TRPM3: variants seen among roughly 807,000 people sequenced by gnomAD.
TRPM3 encodes the protein long transient receptor potential channel 3.
TRPM3 carries 77 observed loss-of-function variants against 181.2 expected under a neutral mutation model. The observed-to-expected ratio is 0.42, with a 90% confidence interval of 0.35 to 0.51. TRPM3 has a LOEUF of 0.51. TRPM3 is among the 20% of genes least tolerant of loss of function. TRPM3 has a pLI of 0.01. For missense variants in TRPM3, 1,759 were observed against 2,196.7 expected, an observed-to-expected ratio of 0.80 and a Z score of 3.98; for synonymous variants, 745 against 796.4, an observed-to-expected ratio of 0.94 and a Z score of 1.09.
chr9:70,739,973 C>T (rs2073678465), intron 8 of TRPM3, among the ~76,000 whole-genome samples: 2 of 152,154 alleles, frequency 1.3e-5, no homozygotes, highest in South Asian at 4.2e-4. Flanking sequence ...CTAGCCAGAA[C>T]AATCAGACAA....
chr9:70,800,088 C>CTATT (rs2088479995), intron 6 of TRPM3, among the ~76,000 whole-genome samples: 1 of 151,940 alleles, frequency 6.6e-6, no homozygotes, highest in Non-Finnish European at 1.5e-5. Context: ...TGAACATGAA[C>CTATT]TATTTTTTTC....
chr9:70,649,074 A>G (rs1255239193), intron 9 of TRPM3, among the ~76,000 whole-genome samples: 1 of 152,206 alleles, frequency 6.6e-6, no homozygotes, highest in Non-Finnish European at 1.5e-5. Flanking sequence ...AATATGAGAA[A>G]ATATTTGCAA....
chr9:70,624,180 T>C (rs1400881355), intron 14 of TRPM3, among the ~76,000 whole-genome samples: 2 of 152,234 alleles, frequency 1.3e-5, no homozygotes, highest in Non-Finnish European at 2.9e-5. Context: ...TGTCAATATT[T>C]GGAAGAGCTG....
chr9:71,134,203 C>T (rs1228619863), intron 1 of TRPM3, among the ~76,000 whole-genome samples: 1 of 152,090 alleles, frequency 6.6e-6, no homozygotes, highest in Non-Finnish European at 1.5e-5. Context: ...CAGGGATCTT[C>T]GGTTCCATAA....
intron 1 of TRPM3, among the ~76,000 whole-genome samples, chr9:70,925,124 C>T (rs1163504180): frequency 6.6e-6 from 1 of 152,166 alleles, no homozygotes; most frequent in African/African-American, 2.4e-5. Flanking sequence ...GCCCTACCTG[C>T]CCCTTTCCAG....
At chr9:71,070,622 T>A (rs1036660241) in intron 1 of TRPM3, among the ~76,000 whole-genome samples, 1 of 152,220 alleles carries the variant, frequency 6.6e-6, no homozygotes, top group Non-Finnish European at 1.5e-5. Context: ...CTGATACCCA[T>A]GCAAATAAAA....
intron 1 of TRPM3, among the ~76,000 whole-genome samples, chr9:70,882,517 T>G (rs915774149): frequency 6.6e-6 from 1 of 152,142 alleles, no homozygotes; most frequent in Non-Finnish European, 1.5e-5. Flanking sequence ...ATGGTTTTTG[T>G]TTTTTTCAAG....
chr9:71,199,482 G>A (rs1289205382), intron 1 of TRPM3, among the ~76,000 whole-genome samples: 1 of 151,974 alleles, frequency 6.6e-6, no homozygotes, highest in Non-Finnish European at 1.5e-5. Flanking sequence ...GGTAGAATTC[G>A]GCTGTGAATC....
intron 1 of TRPM3, among the ~76,000 whole-genome samples, chr9:70,922,015 G>A (rs921653267): frequency 6.6e-6 from 1 of 150,586 alleles, no homozygotes; most frequent in African/African-American, 2.5e-5. Context: ...AAGCCAAGCT[G>A]GATCAATAAG....
At chr9:70,796,853 G>T (rs1423543982) in intron 6 of TRPM3, among the ~76,000 whole-genome samples, 1 of 152,186 alleles carries the variant, frequency 6.6e-6, no homozygotes, top group Non-Finnish European at 1.5e-5. Context: ...AGGGGGCTGG[G>T]CATGGTGGCT....
intron 1 of TRPM3, among the ~76,000 whole-genome samples, chr9:71,114,954 A>G (rs1366698639): frequency 6.6e-6 from 1 of 152,228 alleles, no homozygotes; most frequent in Non-Finnish European, 1.5e-5. Flanking sequence ...AGAAATGATC[A>G]TACAAACAGA....
At chr9:71,366,344 G>A (rs1350613427) in intron 1 of TRPM3, among the ~76,000 whole-genome samples, 1 of 152,164 alleles carries the variant, frequency 6.6e-6, no homozygotes, top group African/African-American at 2.4e-5. Flanking sequence ...GGGTACCTGG[G>A]AGTGGGACAG....
chr9:70,758,073 A>G lies in TRPM3; in HGVS notation c.1272+3528T>C, dbSNP rs976801505. Among the ~76,000 whole-genome samples the G allele has an allele frequency of 2.0e-5, 3 of 152,206 alleles. No individual in the cohort carries two copies. The East Asian group carries it at 5.8e-4, about 29-fold the overall frequency. ...TTGTACATGACATGATTGTATGTTT[A>G]GAAAACCCCATCGTCTCAGCCCAAA... is the stretch of plus-strand genomic sequence containing the variant. On this transcript the variant is annotated intron_variant, in intron 8 of 25. Transcript: ENST00000677713.
At chr9:71,162,218 A>AAG (rs977995769) in intron 1 of TRPM3, among the ~76,000 whole-genome samples, 5 of 147,116 alleles carry the variant, frequency 3.4e-5, no homozygotes, top group African/African-American at 1.3e-4. Flanking sequence ...AAAAAAAAAA[A>AAG]AAGAAGAAAA....
chr9:70,698,932 C>T, intron 8 of TRPM3, among the ~76,000 whole-genome samples: 1 of 151,234 alleles, frequency 6.6e-6, no homozygotes, highest in Non-Finnish European at 1.5e-5. Context: ...CCTGTGGAAC[C>T]ATGAGCCAAT....
chr9:71,134,444 T>G lies in TRPM3; in HGVS notation c.184-269933A>C, dbSNP rs10868956. ...GTGTGCACCTGTAGTCCCAGCTACT[T>G]GGGAGGCTGAGGCAGGAGAATGGCT... is the stretch of plus-strand genomic sequence containing the variant. On this transcript the variant is annotated intron_variant, in intron 1 of 24. Coordinates refer to the TRPM3 transcript ENST00000357533. Among the ~76,000 whole-genome samples the G allele has an allele frequency of 3.4e-3, 515 of 151,492 alleles. 3 individuals are homozygous for G. The highest frequency in any genetic ancestry group is 5.3e-3 in the Non-Finnish European group (362 of 67,862).
chr9:71,107,945 C>T (rs567332756), intron 1 of TRPM3, among the ~76,000 whole-genome samples: 18 of 152,152 alleles, frequency 1.2e-4, no homozygotes, highest in African/African-American at 4.3e-4. Flanking sequence ...TTCAGTCAAC[C>T]AGAAGAATTG....
At chr9:70,638,678 G>A (rs537882182) in intron 11 of TRPM3, among the ~76,000 whole-genome samples, 10 of 152,256 alleles carry the variant, frequency 6.6e-5, no homozygotes, top group African/African-American at 1.4e-4. Context: ...AAAAAATGGC[G>A]CAGGTTACTT....
At chr9:70,988,262 C>T (rs1021490971) in intron 1 of TRPM3, among the ~76,000 whole-genome samples, 2 of 152,168 alleles carry the variant, frequency 1.3e-5, no homozygotes, top group African/African-American at 4.8e-5. Flanking sequence ...TGTTTGAGAA[C>T]CACAGATACA....
Sources: allele counts gnomAD v4.1 joint callset (sites outside exome capture counted in the v4.1 genomes callset), GRCh38; gene constraint gnomAD v4.1.1; transcripts MANE v1.5; gene names NCBI Gene and HGNC (gene_info 2026-07-23, HGNC 2026-07-21).